Variants in DMD observed in about 807,000 individuals in gnomAD.
DMD encodes mutant dystrophin.
Under a neutral mutation model 330.1 loss-of-function variants are expected in DMD, and 63 were observed. The observed-to-expected ratio is 0.19, with a 90% CI of 0.16 to 0.24. DMD has a LOEUF of 0.24. Ranked by LOEUF, DMD falls within the 10% of genes least tolerant of loss-of-function variation. The probability of loss-of-function intolerance (pLI) is 1.00; values close to 1 mark genes in which losing one functional copy is unlikely to be tolerated. For missense variants in DMD, 3,344 were observed against 2,684.1 expected (o/e 1.25, Z -5.43); for synonymous variants, 1,223 against 959.8 (o/e 1.27, Z -5.07).
At chrX:31,450,758 A>G (rs1052200646) in intron 59 of DMD, among the ~76,000 whole-genome samples, 4 of 112,298 alleles carry the variant, frequency 3.6e-5, no homozygotes, top group Non-Finnish European at 7.5e-5. Context: ...ACCAGCATCA[A>G]TCTGGCCCCA....
intron 1 of DMD, among the ~76,000 whole-genome samples, chrX:33,229,179 A>T (rs1029385025): frequency 4.5e-5 from 5 of 111,078 alleles, no homozygotes; most frequent in South Asian, 3.7e-4. Flanking sequence ...TCTTAAGAGG[A>T]TCCTTTTCAG....
intron 43 of DMD, among the ~76,000 whole-genome samples, chrX:32,257,647 C>T (rs1055713953): frequency 9.0e-6 from 1 of 111,138 alleles, no homozygotes; most frequent in Non-Finnish European, 1.9e-5. Context: ...CCTTCCTTAC[C>T]CCTTATACAA....
chrX:32,665,648 G>T (rs750019405), intron 9 of DMD, among the ~76,000 whole-genome samples: 63 of 111,240 alleles, frequency 5.7e-4, no homozygotes, highest in African/African-American at 2.1e-3. Flanking sequence ...CTACAAGTAA[G>T]CAAAAAATAT....
At chrX:31,498,146 T>G (rs1418060387) in intron 56 of DMD, among the ~76,000 whole-genome samples, 2 of 112,153 alleles carry the variant, frequency 1.8e-5, no homozygotes, top group Non-Finnish European at 3.8e-5. Flanking sequence ...CCCACAGGCT[T>G]AAATTCAAGG....
chrX:32,736,583 G>T (rs1350060843), intron 7 of DMD, among the ~76,000 whole-genome samples: 2 of 110,900 alleles, frequency 1.8e-5, no homozygotes, highest in African/African-American at 3.3e-5. Flanking sequence ...ATGCTATGCG[G>T]CCATAAAAAA....
At chrX:32,432,677 G>A (rs1347973306) in intron 29 of DMD, among the ~76,000 whole-genome samples, 1 of 112,267 alleles carries the variant, frequency 8.9e-6, no homozygotes, top group African/African-American at 3.2e-5. Context: ...TGCTCAAAAA[G>A]TAATGGCTTT....
chrX:32,783,021 A>C (rs370815361), intron 7 of DMD, among the ~76,000 whole-genome samples: 25 of 101,372 alleles, frequency 2.5e-4, no homozygotes, highest in Middle Eastern at 5.1e-3. Context: ...GTATATATAC[A>C]TATATGGTGT....
chrX:31,500,670 T>C (rs1473890749), intron 56 of DMD, among the ~76,000 whole-genome samples: 3 of 112,378 alleles, frequency 2.7e-5, no homozygotes, highest in African/African-American at 9.7e-5. Flanking sequence ...TTTCTTTGTA[T>C]TTGTAATGAC....
chrX:31,211,214 G>A (rs920884337), intron 64 of DMD, among the ~76,000 whole-genome samples: 13 of 112,261 alleles, frequency 1.2e-4, no homozygotes, highest in South Asian at 3.7e-4. Flanking sequence ...GGGAATGGCT[G>A]AAAGAAGACT....
chrX:32,717,397 C>G (rs751369781), intron 7 of DMD, among the ~76,000 whole-genome samples: 1 of 111,546 alleles, frequency 9.0e-6, no homozygotes, highest in South Asian at 3.8e-4. Context: ...AGGGTGCAAG[C>G]CATAAGCATT....
chrX:31,784,308 C>T (rs1356652531), intron 50 of DMD, among the ~76,000 whole-genome samples: 1 of 111,817 alleles, frequency 8.9e-6, no homozygotes, highest in African/African-American at 3.2e-5. Context: ...TATTACCTCA[C>T]AACCATGAGG....
intron 55 of DMD, among the ~76,000 whole-genome samples, chrX:31,585,049 C>T (rs761533257): frequency 9.1e-5 from 10 of 110,224 alleles, no homozygotes; most frequent in Admixed American, 1.9e-4. Context: ...CAATGAGGCG[C>T]GGTGGCTCAC....
intron 2 of DMD, among the ~76,000 whole-genome samples, chrX:33,008,915 TGTATATATACATGTATATATACACAC>T (rs1397212287): frequency 1.3e-5 from 1 of 79,997 alleles, no homozygotes; most frequent in African/African-American, 4.0e-5. Flanking sequence ...TACTCATATA[TGTATATATACATGTATATATACACAC>T]GTATATATAC....
intron 63 of DMD, among the ~76,000 whole-genome samples, chrX:31,251,200 T>C (rs2059407419): frequency 9.1e-6 from 1 of 109,296 alleles, no homozygotes; most frequent in Non-Finnish European, 1.9e-5. Flanking sequence ...CTTGCTATAT[T>C]GCCCAGGCTG....
At chrX:32,927,646 A>G (rs1025891298) in intron 2 of DMD, among the ~76,000 whole-genome samples, 2 of 111,538 alleles carry the variant, frequency 1.8e-5, no homozygotes, top group Admixed American at 1.9e-4. Flanking sequence ...TCGGGTATTT[A>G]GGTTGATTTC....
At chrX:32,604,116 A>G (rs1018041010) in intron 12 of DMD, among the ~76,000 whole-genome samples, 1 of 110,594 alleles carries the variant, frequency 9.0e-6, no homozygotes, top group African/African-American at 3.3e-5. Flanking sequence ...CTAGCAAACC[A>G]AACCCAAAAG....
intron 1 of DMD, among the ~76,000 whole-genome samples, chrX:33,330,096 T>C (rs1391416106): frequency 9.0e-6 from 1 of 111,108 alleles, no homozygotes; most frequent in Non-Finnish European, 1.9e-5. Flanking sequence ...TATGCATATC[T>C]ATATATGTCA....
At chrX:32,240,841 CTAAT>C (rs757219220) in intron 43 of DMD, among the ~76,000 whole-genome samples, 26 of 111,567 alleles carry the variant, frequency 2.3e-4, no homozygotes, top group African/African-American at 8.1e-4. Context: ...GGAGTAGTGT[CTAAT>C]TAACTACCCT....
At chrX:32,959,558 T>C (rs1332594048) in intron 2 of DMD, among the ~76,000 whole-genome samples, 1 of 111,258 alleles carries the variant, frequency 9.0e-6, no homozygotes, top group African/African-American at 3.3e-5. Context: ...TCTCTCCAAA[T>C]TGATGTTTAT....
Sources: gnomAD v4.1 joint callset for allele counts (sites outside exome capture counted in the v4.1 genomes callset) on GRCh38, gnomAD v4.1.1 for gene constraint, MANE v1.5 for transcripts, NCBI Gene and HGNC (gene_info 2026-07-23, HGNC 2026-07-21) for gene names.